Variants in WBP1L observed in about 807,000 individuals in gnomAD.
WBP1L encodes WW domain binding protein 1-like.
Under a neutral mutation model 33.7 loss-of-function variants are expected in WBP1L, and 17 were observed. The observed-to-expected ratio is 0.50, with a 90% CI of 0.34 to 0.76. The LOEUF (loss-of-function observed/expected upper bound fraction) is 0.76, where lower values mean the gene tolerates loss of function less well. Ranked by LOEUF, WBP1L falls within the 30% of genes least tolerant of loss-of-function variation. The pLI is 0.01. For missense variants in WBP1L, 389 were observed against 469.4 expected (o/e 0.83, Z 1.58); for synonymous variants, 173 against 190.8 (o/e 0.91, Z 0.77).
At chr10:102,744,710 G>A (rs997834682) in intron 1 of WBP1L, among the ~76,000 whole-genome samples, 7 of 152,176 alleles carry the variant, frequency 4.6e-5, no homozygotes, top group Non-Finnish European at 7.4e-5. Flanking sequence ...CAGAAGGCAG[G>A]TGGGATGAAA....
intron 1 of WBP1L, among the ~76,000 whole-genome samples, chr10:102,763,207 CAAAAAA>C (rs36003893): frequency 6.4e-5 from 6 of 94,042 alleles, no homozygotes; most frequent in East Asian, 3.5e-4. Flanking sequence ...ACTTTTGTCT[CAAAAAA>C]AAAAAAAAAA....
In WBP1L at chr10:102,813,221, G is replaced by T. The variant is rs200608862; in HGVS notation, c.982G>T (p.Ala328Ser). 6.2e-7 allele frequency: 1 copy of T among 1,612,790 alleles called. No individual in the cohort carries two copies. Among genetic ancestry groups the T allele is most frequent in the Non-Finnish European group, 8.5e-7 (1 of 1,179,958 alleles). The part of the protein sequence containing the change: ...EGLCQSSEEQ[A>S]REPGHPHLPR... The stretch of plus-strand genomic sequence containing the variant: ...CCTCTGTCAGTCCTCTGAGGAGCAG[G>T]CTCGAGAGCCTGGGCACCCGCACCT... The change falls in exon 4 of 4, where the codon GCT becomes TCT. Residue 328 changes from alanine (A) to serine (S), a missense_variant. Transcript: ENST00000448841.
intron 1 of WBP1L, among the ~76,000 whole-genome samples, chr10:102,785,929 C>T (rs1172453978): frequency 6.6e-6 from 1 of 152,220 alleles, no homozygotes; most frequent in African/African-American, 2.4e-5. Context: ...ACTCCACAGG[C>T]CTGCATGCCC....
At chr10:102,761,437 G>C (rs1274270877) in intron 1 of WBP1L, among the ~76,000 whole-genome samples, 1 of 151,594 alleles carries the variant, frequency 6.6e-6, no homozygotes, top group Non-Finnish European at 1.5e-5. Flanking sequence ...ACTACACTCA[G>C]CCTTAAATTT....
chr10:102,748,900 AGTATG>A (rs1164671813), intron 1 of WBP1L, among the ~76,000 whole-genome samples: 1 of 152,262 alleles, frequency 6.6e-6, no homozygotes, highest in Non-Finnish European at 1.5e-5. Context: ...GCATGGGTAG[AGTATG>A]GACCAGGAAG....
At chr10:102,796,634 A>G (rs1843577315) in intron 1 of WBP1L, among the ~76,000 whole-genome samples, 1 of 152,092 alleles carries the variant, frequency 6.6e-6, no homozygotes, top group Non-Finnish European at 1.5e-5. Context: ...GCTTTAGTTT[A>G]TTTGCTGAGC....
At chr10:102,797,488 A>AT (rs746080316) in intron 1 of WBP1L, among the ~76,000 whole-genome samples, 2 of 151,860 alleles carry the variant, frequency 1.3e-5, no homozygotes, top group African/African-American at 2.4e-5. Flanking sequence ...AATAAACCAT[A>AT]TTTTTTCCCC....
intron 1 of WBP1L, among the ~76,000 whole-genome samples, chr10:102,781,639 A>G (rs1366304251): frequency 6.6e-6 from 1 of 151,950 alleles, no homozygotes; most frequent in African/African-American, 2.4e-5. Context: ...ACCTCTTTCC[A>G]CCAGGTTGAG....
chr10:102,780,160 T>G (rs2254093), intron 1 of WBP1L, among the ~76,000 whole-genome samples: 81,159 of 151,868 alleles, frequency 0.53, 22,760 homozygotes, highest in Non-Finnish European at 0.62. Context: ...ACTGTAGGAT[T>G]TATTAGTTCT....
intron 2 of WBP1L, among the ~76,000 whole-genome samples, chr10:102,806,783 G>A (rs367663085): frequency 8.5e-5 from 13 of 152,164 alleles, no homozygotes; most frequent in African/African-American, 3.1e-4. Context: ...GGGCTGGGGG[G>A]CATGTCACTG....
At chr10:102,747,953 C>T (rs1267323095) in intron 1 of WBP1L, among the ~76,000 whole-genome samples, 2 of 152,042 alleles carry the variant, frequency 1.3e-5, no homozygotes, top group Non-Finnish European at 2.9e-5. Flanking sequence ...CTTTCCTTTG[C>T]CAGGCTTAAA....
chr10:102,782,042 A>G (rs1843344738), intron 1 of WBP1L, among the ~76,000 whole-genome samples: 1 of 151,670 alleles, frequency 6.6e-6, no homozygotes, highest in African/African-American at 2.4e-5. Context: ...TAATTTTTCT[A>G]TTTTTAGGAA....
chr10:102,749,834 A>G (rs965492462), intron 1 of WBP1L, among the ~76,000 whole-genome samples: 1 of 151,178 alleles, frequency 6.6e-6, no homozygotes, highest in Non-Finnish European at 1.5e-5. Flanking sequence ...CTGGAGTGCA[A>G]TGGTGCAGTC....
chr10:102,805,216 G>A (rs113262727), intron 2 of WBP1L, among the ~76,000 whole-genome samples: 1,702 of 152,244 alleles, frequency 0.011, 27 homozygotes, highest in African/African-American at 0.039. Context: ...AGGAGTTGGA[G>A]GCTGTAGTGA....
At chr10:102,811,580 G>A (rs760140173) in intron 3 of WBP1L, among the ~76,000 whole-genome samples, 1 of 152,166 alleles carries the variant, frequency 6.6e-6, no homozygotes, top group Non-Finnish European at 1.5e-5. Flanking sequence ...GCGTGATCTT[G>A]GCTCACTGCA....
At chr10:102,778,826 C>T (rs1680442539) in intron 1 of WBP1L, among the ~76,000 whole-genome samples, 1 of 152,140 alleles carries the variant, frequency 6.6e-6, no homozygotes, top group Admixed American at 6.6e-5. Flanking sequence ...CTTTATCGTA[C>T]ATATGTATGC....
chr10:102,787,285 C>A (rs1319504009), intron 1 of WBP1L, among the ~76,000 whole-genome samples: 2 of 152,132 alleles, frequency 1.3e-5, no homozygotes, highest in African/African-American at 2.4e-5. Context: ...GACAACCCCA[C>A]CATCAAAGAA....
Position 102,809,276 on chromosome 10 carries a change from C to T in WBP1L, c.194-617C>T, listed in dbSNP as rs1359035649. Among the ~76,000 whole-genome samples the T allele has an allele frequency of 4.4e-4, 67 of 152,100 alleles. 1 individual carries two copies. The highest frequency in any genetic ancestry group is 2.9e-5 in the Non-Finnish European group (2 of 68,008). On this transcript the variant is annotated intron_variant, in intron 2 of 3. Coordinates refer to ENST00000448841, the MANE Select transcript of WBP1L (RefSeq NM_001083913.2). ...TATTTTTAGTAGAGACAGGGTTTCA[C>T]CATGTTGGCCAGGCTGGTCTTGAAC... is the stretch of plus-strand genomic sequence containing the variant.
At chr10:102,780,231 T>C (rs996330710) in intron 1 of WBP1L, among the ~76,000 whole-genome samples, 1 of 152,158 alleles carries the variant, frequency 6.6e-6, no homozygotes, top group African/African-American at 2.4e-5. Context: ...AAAAAATGCT[T>C]TTTGTGCTTA....
Sources: gnomAD v4.1 joint callset for allele counts (sites outside exome capture counted in the v4.1 genomes callset) on GRCh38, gnomAD v4.1.1 for gene constraint, MANE v1.5 for transcripts, NCBI Gene and HGNC (gene_info 2026-07-23, HGNC 2026-07-21) for gene names.